The following WDR59 variants were observed in gnomAD, a reference collection of about 807,000 sequenced individuals.
WDR59 encodes WD repeat domain 59.
WDR59 carries 100 observed loss-of-function variants against 131.2 expected under a neutral mutation model. The ratio of observed to expected loss-of-function variants is 0.76; its 90% CI spans 0.65 to 0.90. WDR59 has a LOEUF of 0.90. Ranked by LOEUF, WDR59 falls within the 40% of genes least tolerant of loss-of-function variation. WDR59 has a pLI of 0.00. For synonymous variants in WDR59, 601 were observed against 466.2 expected, an observed-to-expected ratio of 1.29 and a Z score of -3.72; for missense variants, 1,203 against 1,262.2, an observed-to-expected ratio of 0.95 and a Z score of 0.71.
intron 7 of WDR59, 61 bp downstream of exon 7, chr16:74,942,677 C>G: frequency 6.4e-7 from 1 of 1,557,960 alleles, no homozygotes; most frequent in Admixed American, 1.7e-5. Context: ...CTCATAAAAT[C>G]ATCTTCACAC....
intron 1 of WDR59, among the ~76,000 whole-genome samples, chr16:74,981,641 TATATATATATATATATATA>T (rs1239276867): frequency 0.012 from 600 of 49,850 alleles, 29 homozygotes; most frequent in African/African-American, 0.032. Flanking sequence ...TATATATATA[TATATATATATATATATATA>T]TTTTTTTTTT....
rs1330730349 is a variant in WDR59 at position 74,916,191 on chromosome 16, A to G, written c.1035T>C (p.Pro345=). The G allele has an allele frequency of 6.2e-7, 1 of 1,614,006 alleles. No individual in the cohort carries two copies. The highest frequency in any genetic ancestry group is 1.3e-5 in the African/African-American group (1 of 74,916). ...FIESISLLPE[P]EKTLHTEDTD... is the part of the protein sequence containing the mutation. ...TATCTTCAGTGTGCAGGGTCTTCTC[A>G]GGTTCCGGCAGAAGGGAAATACTCT... is the stretch of plus-strand genomic sequence containing the variant. Residue 345 remains proline, a synonymous_variant, in exon 12 of 26, where the codon CCT becomes CCC. Transcript: ENST00000262144.
At chr16:74,921,383 C>T (rs561158971) in intron 10 of WDR59, among the ~76,000 whole-genome samples, 1 of 152,318 alleles carries the variant, frequency 6.6e-6, no homozygotes, top group African/African-American at 2.4e-5. Context: ...ACTCACCCAC[C>T]AGCTTAAAGA....
intron 7 of WDR59, among the ~76,000 whole-genome samples, chr16:74,940,903 A>T (rs577111881): frequency 6.6e-6 from 1 of 151,702 alleles, no homozygotes; most frequent in Non-Finnish European, 1.5e-5. Context: ...ACGGGGTTTC[A>T]CCATGTTAGC....
chr16:74,922,223 A>G, intron 9 of WDR59, 120 bp from the exon 10 acceptor site: 5 of 1,294,036 alleles, frequency 3.9e-6, no homozygotes, highest in Non-Finnish European at 4.2e-6. Flanking sequence ...GAAGGCCCCA[A>G]CTCATCTGGA....
At chr16:74,894,635 G>T (rs1321419423) in intron 18 of WDR59, among the ~76,000 whole-genome samples, 1 of 152,168 alleles carries the variant, frequency 6.6e-6, no homozygotes, top group Non-Finnish European at 1.5e-5. Context: ...ACTAAGGAAG[G>T]AGTGACATAT....
At chr16:74,919,294 T>A (rs1254819531) in intron 10 of WDR59, among the ~76,000 whole-genome samples, 3 of 152,028 alleles carry the variant, frequency 2.0e-5, no homozygotes, top group Non-Finnish European at 4.4e-5. Context: ...ATGATCTGGC[T>A]TCTCTCCTCA....
chr16:74,950,027 T>C (rs1229921468), intron 4 of WDR59: 2 of 567,136 alleles, frequency 3.5e-6, no homozygotes, highest in Non-Finnish European at 6.7e-6. Context: ...AGAAAAGAAA[T>C]GGAGTGCTTC....
intron 4 of WDR59, among the ~76,000 whole-genome samples, chr16:74,950,569 C>G (rs2032932137): frequency 6.6e-6 from 1 of 152,202 alleles, no homozygotes; most frequent in South Asian, 2.1e-4. Flanking sequence ...AGCAACTGCA[C>G]AGAACATTCC....
chr16:74,934,778 T>C (rs1274961148), intron 8 of WDR59, among the ~76,000 whole-genome samples: 1 of 151,880 alleles, frequency 6.6e-6, no homozygotes, highest in African/African-American at 2.4e-5. Context: ...TGAAACAAAA[T>C]ATATATTTGT....
At position 74,889,723 on chromosome 16, in the gene WDR59, C is replaced by G. The variant is rs1359112716; in HGVS notation, c.2175G>C (p.Gly725=). ...CCTACAGGGACTCCAGCAGCTGCCG[C>G]CCAAATGGATGTCGAGCCCAGGGTG... The part of the protein sequence containing the change: ...LETPWARHPF[G]RQLLESLLAH... Residue 725 remains glycine, a synonymous_variant, in exon 21 of 26, where the codon GGG becomes GGC. Coordinates refer to ENST00000262144, the MANE Select transcript of WDR59 (RefSeq NM_030581.4). The G allele has an allele frequency of 6.2e-7, 1 of 1,614,014 alleles. No individual in the cohort carries two copies. Among genetic ancestry groups the G allele is most frequent in the South Asian group, 1.1e-5 (1 of 91,060 alleles).
chr16:74,916,246 T>A lies in WDR59; in HGVS notation c.980A>T (p.Asp327Val). ...GAACTCATCAACACCATCTAATATG[T>A]CATTTGCACAAAGCTGCAACAAAGG... ...DSQMQRLCANDILDGVDEFIE... is the reference protein window; with the variant it reads ...DSQMQRLCANVILDGVDEFIE... Residue 327 changes from aspartate to valine, a missense_variant, in exon 12 of 26, where the codon GAC becomes GTC. Coordinates refer to ENST00000262144, the MANE Select transcript of WDR59 (RefSeq NM_030581.4). 6.2e-7 allele frequency: 1 copy of A among 1,613,944 alleles called. No homozygotes were observed. Among genetic ancestry groups the A allele is most frequent in the African/African-American group, 1.3e-5 (1 of 75,020 alleles).
At chr16:74,919,317 A>G (rs1296498958) in intron 10 of WDR59, among the ~76,000 whole-genome samples, 4 of 150,714 alleles carry the variant, frequency 2.7e-5, no homozygotes, top group African/African-American at 9.8e-5. Flanking sequence ...TTGCTCTTGG[A>G]ACACCTTTTT....
chr16:74,895,164 G>A (rs1271858361), intron 18 of WDR59, among the ~76,000 whole-genome samples: 1 of 152,196 alleles, frequency 6.6e-6, no homozygotes, highest in African/African-American at 2.4e-5. Flanking sequence ...TTCAGGGCAG[G>A]TAAATGAAGA....
chr16:74,966,958 A>C (rs904516249), intron 1 of WDR59, among the ~76,000 whole-genome samples: 13 of 152,194 alleles, frequency 8.5e-5, no homozygotes, highest in African/African-American at 3.1e-4. Context: ...GGACAAGTTC[A>C]AATCCTGCTG....
intron 1 of WDR59, among the ~76,000 whole-genome samples, chr16:74,983,441 A>G (rs1248613053): frequency 6.6e-6 from 1 of 152,018 alleles, no homozygotes; most frequent in Non-Finnish European, 1.5e-5. Flanking sequence ...CCACTACACT[A>G]CAGTCTGGGT....
intron 8 of WDR59, among the ~76,000 whole-genome samples, chr16:74,937,209 A>T (rs907356800): frequency 3.9e-5 from 6 of 152,190 alleles, no homozygotes; most frequent in Non-Finnish European, 8.8e-5. Context: ...CAAACAAACA[A>T]CACTGTACCT....
rs760482345 is a variant in WDR59 at position 74,923,959 on chromosome 16, A to G, written c.696T>C (p.Pro232=). 3 of 1,613,854 alleles carry G rather than the reference A, an allele frequency of 1.9e-6. No individual in the cohort carries two copies. The South Asian group carries it at 3.3e-5, about 18-fold the overall frequency. ...TGGCCTTCCAGACAGGCACCTGGCA[A>G]GGAAGAATATTGAGGTATTTCCGAG... The part of the protein sequence containing the change: ...RQPRKYLNIL[P]CQVPVWKARY... The change falls in exon 9 of 26, where the codon CCT becomes CCC. Residue 232 remains proline, a synonymous_variant. Coordinates refer to ENST00000262144, the MANE Select transcript of WDR59 (RefSeq NM_030581.4).
chr16:74,933,708 A>T (rs145105219), intron 8 of WDR59, among the ~76,000 whole-genome samples: 2,562 of 152,106 alleles, frequency 0.017, 71 homozygotes, highest in African/African-American at 0.057. Flanking sequence ...TGCCTCAGCC[A>T]CCCAACTAGC....
Sources: gnomAD v4.1 joint callset for allele counts (sites outside exome capture counted in the v4.1 genomes callset) on GRCh38, gnomAD v4.1.1 for gene constraint, MANE v1.5 for transcripts, NCBI Gene and HGNC (gene_info 2026-07-23, HGNC 2026-07-21) for gene names.